Variants in PAH observed in about 807,000 individuals in gnomAD.
The protein encoded by PAH is phenylalanine-4-hydroxylase.
A neutral mutation model predicts 62.0 loss-of-function variants in PAH; 64 were observed. The ratio of observed to expected loss-of-function variants is 1.03; its 90% CI spans 0.84 to 1.27. PAH has a LOEUF of 1.27. Ranked by LOEUF, PAH falls within the 50% of genes most tolerant of loss-of-function variation. The probability of loss-of-function intolerance (pLI) is 0.00; values close to 1 mark genes in which losing one functional copy is unlikely to be tolerated. For missense variants in PAH, 579 were observed against 542.8 expected, an observed-to-expected ratio of 1.07 and a Z score of -0.66; for synonymous variants, 195 against 196.2, an observed-to-expected ratio of 0.99 and a Z score of 0.05.
chr12:102,861,096 G>T (rs1326266822), intron 5 of PAH, among the ~76,000 whole-genome samples: 1 of 151,928 alleles, frequency 6.6e-6, no homozygotes, highest in African/African-American at 2.4e-5. Context: ...CTGACAAAGG[G>T]ATAATATCCA....
chr12:102,880,674 A>C (rs961911340), intron 3 of PAH, among the ~76,000 whole-genome samples: 1 of 152,198 alleles, frequency 6.6e-6, no homozygotes, highest in Non-Finnish European at 1.5e-5. Flanking sequence ...CCTCCTGCGT[A>C]CCAAGCACAA....
At chr12:102,848,289 G>A (rs1319025513) in intron 8 of PAH, among the ~76,000 whole-genome samples, 2 of 141,922 alleles carry the variant, frequency 1.4e-5, no homozygotes, top group Admixed American at 6.7e-5. Flanking sequence ...GACTGGAGAG[G>A]TTAAGTGTAG....
At chr12:102,843,533 G>T in intron 11 of PAH, 113 bp downstream of exon 11, 1 of 1,043,026 alleles carries the variant, frequency 9.6e-7, no homozygotes, top group Non-Finnish European at 1.5e-6. Flanking sequence ...ACTGTCTATG[G>T]TACAAAGTTG....
intron 1 of PAH, among the ~76,000 whole-genome samples, chr12:102,924,254 T>TC (rs965328304): frequency 1.3e-5 from 2 of 152,204 alleles, no homozygotes; most frequent in Admixed American, 1.3e-4. Flanking sequence ...AATGGGATTC[T>TC]CCATCTCTTA....
chr12:102,892,152 C>T (rs1877304502), intron 3 of PAH, among the ~76,000 whole-genome samples: 1 of 152,212 alleles, frequency 6.6e-6, no homozygotes, highest in South Asian at 2.1e-4. Context: ...CTGGAGTGGG[C>T]TTTCCTTGCC....
At chr12:102,841,405 G>A (rs1874590267) in intron 11 of PAH, among the ~76,000 whole-genome samples, 1 of 152,130 alleles carries the variant, frequency 6.6e-6, no homozygotes, top group Non-Finnish European at 1.5e-5. Context: ...TCCAAGTTTG[G>A]CAAGAGTGGC....
At chr12:102,954,540 T>C (rs578159422), upstream of PAH, among the ~76,000 whole-genome samples, 2 of 152,266 alleles carry the variant, frequency 1.3e-5, no homozygotes, top group African/African-American at 4.8e-5. Context: ...ATAGGTGAAA[T>C]AGAGACCCCT....
chr12:102,859,392 G>A (rs1875605351), intron 5 of PAH, among the ~76,000 whole-genome samples: 1 of 152,004 alleles, frequency 6.6e-6, no homozygotes, highest in South Asian at 2.1e-4. Context: ...TTCTACCAGA[G>A]GTACAAGGAG....
At chr12:102,860,353 G>A (rs139601845) in intron 5 of PAH, among the ~76,000 whole-genome samples, 8,866 of 152,210 alleles carry the variant, frequency 0.058, 313 homozygotes, top group African/African-American at 0.088. Flanking sequence ...ACAAATGGAA[G>A]AACATTCCAT....
At chr12:102,873,930 TAC>T (rs1876462285) in intron 4 of PAH, among the ~76,000 whole-genome samples, 1 of 152,228 alleles carries the variant, frequency 6.6e-6, no homozygotes, top group African/African-American at 2.4e-5. Context: ...TTTCATAAAC[TAC>T]AGTTTCGGAA....
intron 3 of PAH, among the ~76,000 whole-genome samples, chr12:102,885,808 C>A (rs1171123693): frequency 6.6e-6 from 1 of 152,142 alleles, no homozygotes; most frequent in East Asian, 1.9e-4. Flanking sequence ...TTCACCAGCC[C>A]CAGGGGTTAG....
At chr12:102,901,148 T>C (rs1223260715) in intron 2 of PAH, among the ~76,000 whole-genome samples, 1 of 152,162 alleles carries the variant, frequency 6.6e-6, no homozygotes, top group Non-Finnish European at 1.5e-5. Flanking sequence ...GAGTTCATAA[T>C]GGTGAAAAGT....
At chr12:102,952,821 A>T (rs1439048814), upstream of PAH, among the ~76,000 whole-genome samples, 1 of 152,200 alleles carries the variant, frequency 6.6e-6, no homozygotes, top group Non-Finnish European at 1.5e-5. Context: ...TAGAAGGCTG[A>T]ATTCCTTAAT....
chr12:102,894,595 A>G (rs1327384070), intron 3 of PAH, 140 bp downstream of exon 3: 1 of 677,284 alleles, frequency 1.5e-6, no homozygotes, highest in East Asian at 2.8e-5. Flanking sequence ...ATACATATAT[A>G]TTAATTTTGC....
At chr12:102,958,045 C>A in intron 1 of PAH, 1 of 409,922 alleles carries the variant, frequency 2.4e-6, no homozygotes, top group Non-Finnish European at 4.2e-6. Context: ...AAAGCATTTT[C>A]ACTTTTTTTG....
chr12:102,896,531 A>T (rs73391525), intron 2 of PAH, among the ~76,000 whole-genome samples: 31,254 of 152,196 alleles, frequency 0.21, 4,268 homozygotes, highest in African/African-American at 0.39. Flanking sequence ...AAGTCCTGTC[A>T]AGAGGCCATT....
chr12:102,880,825 A>G (rs1592970869), intron 3 of PAH, among the ~76,000 whole-genome samples: 2 of 152,160 alleles, frequency 1.3e-5, no homozygotes, highest in East Asian at 3.8e-4. Flanking sequence ...AAAGAAGCAT[A>G]AGGAAATGGA....
chr12:102,867,141 G>A (rs1459188775), intron 4 of PAH, among the ~76,000 whole-genome samples: 1 of 152,172 alleles, frequency 6.6e-6, no homozygotes, highest in Non-Finnish European at 1.5e-5. Context: ...CAGTTTGTGA[G>A]TACTAGGAAC....
At chr12:102,856,282 A>G (rs975791704) in intron 5 of PAH, among the ~76,000 whole-genome samples, 3 of 152,156 alleles carry the variant, frequency 2.0e-5, no homozygotes, top group Non-Finnish European at 4.4e-5. Context: ...TAAGCTCCCC[A>G]GGTGACTCTG....
Sources: allele counts gnomAD v4.1 joint callset (sites outside exome capture counted in the v4.1 genomes callset), GRCh38; gene constraint gnomAD v4.1.1; transcripts MANE v1.5; gene names NCBI Gene and HGNC (gene_info 2026-07-23, HGNC 2026-07-21).